Variants in UTS2 observed in about 807,000 individuals in gnomAD.
UTS2 encodes urotensin-2.
UTS2 carries 10 observed loss-of-function variants against 12.6 expected under a neutral mutation model. That is an observed-to-expected ratio of 0.80 (90% CI 0.49 to 1.35). The LOEUF is 1.35. Ranked by LOEUF, UTS2 falls within the 40% of genes most tolerant of loss-of-function variation. UTS2 has a pLI of 0.00. For missense variants in UTS2, 142 were observed against 143.2 expected (o/e 0.99, Z 0.04); for synonymous variants, 52 against 50.0 (o/e 1.04, Z -0.17).
the UTS2 span, among the ~76,000 whole-genome samples, chr1:7,905,854 G>T: frequency 3.3e-5 from 5 of 152,216 alleles, no homozygotes; most frequent in South Asian, 4.1e-4. Context: ...GTGGGTGATT[G>T]GTTTTACATT....
the UTS2 span, among the ~76,000 whole-genome samples, chr1:7,862,575 G>A: frequency 6.6e-6 from 1 of 152,128 alleles, no homozygotes; most frequent in Non-Finnish European, 1.5e-5. Flanking sequence ...TCTGGTGAGG[G>A]CACTCATGGC....
the UTS2 span, among the ~76,000 whole-genome samples, chr1:7,901,606 A>ACG: frequency 7.9e-6 from 1 of 126,688 alleles, no homozygotes; most frequent in East Asian, 3.2e-4. Flanking sequence ...ATATTCATCT[A>ACG]TGTGTGTGTG....
the UTS2 span, among the ~76,000 whole-genome samples, chr1:7,885,072 A>ACATC: frequency 5.8e-5 from 8 of 137,738 alleles, no homozygotes; most frequent in African/African-American, 2.3e-4. Flanking sequence ...ATCCATTCAG[A>ACATC]CATCCATCCA....
chr1:7,889,936 G>A, the UTS2 span, among the ~76,000 whole-genome samples: 1 of 152,002 alleles, frequency 6.6e-6, no homozygotes, highest in Non-Finnish European at 1.5e-5. Flanking sequence ...ACTTGGTGGC[G>A]GGTGCCTGTG....
chr1:7,884,682 A>T, the UTS2 span, among the ~76,000 whole-genome samples: 1 of 152,188 alleles, frequency 6.6e-6, no homozygotes, highest in South Asian at 2.1e-4. Context: ...GATAATTAAG[A>T]GTAGCTTCAT....
the UTS2 span, among the ~76,000 whole-genome samples, chr1:7,902,919 C>G: frequency 6.6e-6 from 1 of 152,062 alleles, no homozygotes; most frequent in Non-Finnish European, 1.5e-5. Context: ...GGGAGGCCTG[C>G]GCGCTGGTGG....
At chr1:7,854,267 C>T (rs1462038622), upstream of UTS2, among the ~76,000 whole-genome samples, 1 of 151,594 alleles carries the variant, frequency 6.6e-6, no homozygotes, top group Admixed American at 6.6e-5. Context: ...TTGCTTGAAT[C>T]CAGGAGGCGG....
chr1:7,913,078 A>T, the UTS2 span, among the ~76,000 whole-genome samples: 1 of 150,840 alleles, frequency 6.6e-6, no homozygotes, highest in East Asian at 1.9e-4. Context: ...GTCGATTTAC[A>T]AACCAAAGCA....
chr1:7,902,510 G>C, the UTS2 span, among the ~76,000 whole-genome samples: 1 of 152,132 alleles, frequency 6.6e-6, no homozygotes, highest in African/African-American at 2.4e-5. Flanking sequence ...TTCTTTTGGC[G>C]ACTTGCACAT....
At chr1:7,857,475 TAAA>T (rs34590533), upstream of UTS2, among the ~76,000 whole-genome samples, 7 of 150,186 alleles carry the variant, frequency 4.7e-5, no homozygotes, top group East Asian at 3.9e-4. Context: ...ACTACTATGT[TAAA>T]AAAAAAAAAA....
At chr1:7,909,550 A>G in the UTS2 span, among the ~76,000 whole-genome samples, 2 of 151,038 alleles carry the variant, frequency 1.3e-5, no homozygotes, top group Non-Finnish European at 3.0e-5. Flanking sequence ...CTGTCTCAAA[A>G]AAAAAAAAAA....
At chr1:7,907,700 CTT>C in the UTS2 span, among the ~76,000 whole-genome samples, 1 of 151,722 alleles carries the variant, frequency 6.6e-6, no homozygotes, top group Non-Finnish European at 1.5e-5. Context: ...TGACAGTGAG[CTT>C]CTGAGCATTA....
the UTS2 span, among the ~76,000 whole-genome samples, chr1:7,863,000 A>G: frequency 2.1e-3 from 41 of 19,308 alleles, 1 homozygote; most frequent in East Asian, 0.015. Context: ...GTTGTATTGT[A>G]TTGTATTGTA....
the UTS2 span, among the ~76,000 whole-genome samples, chr1:7,898,186 C>T: frequency 6.6e-6 from 1 of 152,002 alleles, no homozygotes. Flanking sequence ...TGTCTAGAAA[C>T]CCCAATACAT....
the UTS2 span, among the ~76,000 whole-genome samples, chr1:7,891,618 T>C: frequency 1.3e-5 from 2 of 149,668 alleles, no homozygotes; most frequent in African/African-American, 5.0e-5. Flanking sequence ...GAGTAGATTT[T>C]GAGTATTCTC....
At chr1:7,869,209 A>G in the UTS2 span, among the ~76,000 whole-genome samples, 1 of 152,206 alleles carries the variant, frequency 6.6e-6, no homozygotes, top group Non-Finnish European at 1.5e-5. Context: ...TGGGCCTGCA[A>G]TGGGAACCCA....
the UTS2 span, among the ~76,000 whole-genome samples, chr1:7,900,251 T>G: frequency 0.12 from 18,371 of 151,924 alleles, 2,457 homozygotes; most frequent in East Asian, 0.56. Context: ...ATTTAAAAAT[T>G]AGCCAGGCAC....
At chr1:7,851,965 G>A (rs2097414616) in intron 1 of UTS2, among the ~76,000 whole-genome samples, 1 of 151,982 alleles carries the variant, frequency 6.6e-6, no homozygotes, top group African/African-American at 2.4e-5. Flanking sequence ...TTTGTAAATA[G>A]CAGAGATTCA....
chr1:7,853,638 A>G (rs1028670336), upstream of UTS2: 10 of 529,810 alleles, frequency 1.9e-5, no homozygotes, highest in Middle Eastern at 4.8e-4. Context: ...AAGCACTTCA[A>G]TCTTCAGAGA....
Sources: gnomAD v4.1 joint callset for allele counts (sites outside exome capture counted in the v4.1 genomes callset) on GRCh38, gnomAD v4.1.1 for gene constraint, MANE v1.5 for transcripts, NCBI Gene and HGNC (gene_info 2026-07-23, HGNC 2026-07-21) for gene names.